LRP1B: variants seen among roughly 807,000 people sequenced by gnomAD.
LRP1B encodes low-density lipoprotein receptor-related protein 1B.
A neutral mutation model predicts 556.6 loss-of-function variants in LRP1B; 217 were observed. The ratio of observed to expected loss-of-function variants is 0.39; its 90% confidence interval spans 0.35 to 0.44. The LOEUF (loss-of-function observed/expected upper bound fraction) is 0.44, where lower values mean the gene tolerates loss of function less well. LRP1B is among the 20% of genes least tolerant of loss of function. The pLI, the probability that LRP1B is intolerant of heterozygous loss-of-function variation, is 1.00. For synonymous variants in LRP1B, 2,047 were observed against 1,865.8 expected, an observed-to-expected ratio of 1.10 and a Z score of -2.50; for missense variants, 5,053 against 5,620.8, an observed-to-expected ratio of 0.90 and a Z score of 3.23.
chr2:140,800,946 T>C (rs1416311121), intron 32 of LRP1B, among the ~76,000 whole-genome samples: 1 of 152,198 alleles, frequency 6.6e-6, no homozygotes, highest in African/African-American at 2.4e-5. Flanking sequence ...AATACTTAAA[T>C]TCTACAATAT....
At chr2:141,773,901 T>C (rs1388312384) in intron 2 of LRP1B, among the ~76,000 whole-genome samples, 2 of 152,212 alleles carry the variant, frequency 1.3e-5, no homozygotes, top group Non-Finnish European at 2.9e-5. Flanking sequence ...TTTGCTGCCT[T>C]AAATCAAAAG....
chr2:141,862,598 G>A (rs964222869), intron 1 of LRP1B, among the ~76,000 whole-genome samples: 2 of 152,008 alleles, frequency 1.3e-5, no homozygotes, highest in Non-Finnish European at 2.9e-5. Context: ...TAGTAGAGAC[G>A]GGGTTTCAAC....
chr2:141,095,788 G>C (rs907605497), intron 7 of LRP1B, among the ~76,000 whole-genome samples: 1 of 152,192 alleles, frequency 6.6e-6, no homozygotes, highest in South Asian at 2.1e-4. Flanking sequence ...GCTTGTTTCA[G>C]CAGGTGTTGC....
At chr2:141,467,626 G>T (rs1682282193) in intron 3 of LRP1B, among the ~76,000 whole-genome samples, 1 of 152,050 alleles carries the variant, frequency 6.6e-6, no homozygotes, top group Non-Finnish European at 1.5e-5. Flanking sequence ...AGTCTATTTT[G>T]CACTGAGAGA....
At chr2:140,375,283 G>A (rs578208767) in intron 68 of LRP1B, among the ~76,000 whole-genome samples, 1 of 148,392 alleles carries the variant, frequency 6.7e-6, no homozygotes, top group South Asian at 2.3e-4. Flanking sequence ...CTTTAAGTAA[G>A]TTTGTTGTTG....
At chr2:141,400,379 CTTGT>C (rs1559049943) in intron 3 of LRP1B, among the ~76,000 whole-genome samples, 1 of 152,130 alleles carries the variant, frequency 6.6e-6, no homozygotes, top group Non-Finnish European at 1.5e-5. Context: ...GCCTATACGA[CTTGT>C]TTAAGGTTAT....
chr2:141,405,937 T>C (rs991603696), intron 3 of LRP1B, among the ~76,000 whole-genome samples: 15 of 152,098 alleles, frequency 9.9e-5, no homozygotes, highest in Admixed American at 5.2e-4. Context: ...CTCTTTCTTA[T>C]ATAGTACAGT....
intron 11 of LRP1B, 82 bp from the exon 12 acceptor site, chr2:141,020,184 A>G: frequency 1.1e-6 from 1 of 889,490 alleles, no homozygotes; most frequent in Non-Finnish European, 1.6e-6. Flanking sequence ...GCTACCTAAT[A>G]AAAACTTTAG....
intron 3 of LRP1B, among the ~76,000 whole-genome samples, chr2:141,378,161 G>A (rs1199198075): frequency 6.6e-6 from 1 of 152,122 alleles, no homozygotes; most frequent in African/African-American, 2.4e-5. Flanking sequence ...GATTTCCAGA[G>A]TTACCATATT....
At chr2:141,991,856 A>G (rs1182643911) in intron 1 of LRP1B, among the ~76,000 whole-genome samples, 1 of 152,074 alleles carries the variant, frequency 6.6e-6, no homozygotes, top group Admixed American at 6.6e-5. Flanking sequence ...CCAAATTTTG[A>G]GTACTATTTC....
chr2:141,864,619 C>T (rs1212084208), intron 1 of LRP1B, among the ~76,000 whole-genome samples: 1 of 151,414 alleles, frequency 6.6e-6, no homozygotes, highest in Non-Finnish European at 1.5e-5. Flanking sequence ...CAGTGGCTCA[C>T]GCCTGTAATC....
chr2:141,411,952 C>A (rs1447890583), intron 3 of LRP1B, among the ~76,000 whole-genome samples: 1 of 151,860 alleles, frequency 6.6e-6, no homozygotes, highest in Non-Finnish European at 1.5e-5. Flanking sequence ...AGAACAAAGT[C>A]TTGACTATGT....
chr2:141,705,195 C>A (rs980555832), intron 2 of LRP1B, among the ~76,000 whole-genome samples: 4 of 151,996 alleles, frequency 2.6e-5, no homozygotes, highest in Admixed American at 1.3e-4. Flanking sequence ...TGTATTTATA[C>A]ACTTTAACTG....
At chr2:140,920,112 G>T (rs7562690) in intron 21 of LRP1B, among the ~76,000 whole-genome samples, 1 of 151,796 alleles carries the variant, frequency 6.6e-6, no homozygotes, top group African/African-American at 2.4e-5. Context: ...ATGAAGAAAG[G>T]CATTTCTGAG....
At chr2:141,108,334 CTTTTTTTTTTTTTTTTTTT>C (rs60275697) in intron 7 of LRP1B, among the ~76,000 whole-genome samples, 1 of 88,514 alleles carries the variant, frequency 1.1e-5, no homozygotes, top group African/African-American at 4.8e-5. Flanking sequence ...TAATCTGTTT[CTTTTTTTTTTTTTTTTTTT>C]TTTTTTTTTT....
chr2:141,078,607 C>G (rs1196833037), intron 7 of LRP1B, among the ~76,000 whole-genome samples: 2 of 103,474 alleles, frequency 1.9e-5, no homozygotes, highest in Non-Finnish European at 4.1e-5. Flanking sequence ...ACAGAAAAAG[C>G]CTGCCAAGAG....
chr2:141,004,478 C>G (rs1437414585), intron 15 of LRP1B, among the ~76,000 whole-genome samples: 2 of 152,046 alleles, frequency 1.3e-5, no homozygotes, highest in Admixed American at 1.3e-4. Flanking sequence ...CTTCCTGGGT[C>G]TGTCTGAAGC....
At chr2:141,909,810 A>G (rs1231235064) in intron 1 of LRP1B, among the ~76,000 whole-genome samples, 1 of 152,080 alleles carries the variant, frequency 6.6e-6, no homozygotes, top group Non-Finnish European at 1.5e-5. Context: ...TATTGTGTAC[A>G]TAGCAATGTC....
At position 142,031,330 on chromosome 2, in the gene LRP1B, A is replaced by ATTTTTTTTTTTTTTTTTTTTTT. The variant is rs560363480; in HGVS notation, c.82+99317_82+99318insAAAAAAAAAAAAAAAAAAAAAA. Among the ~76,000 whole-genome samples, 6 of 117,034 alleles carry ATTTTTTTTTTTTTTTTTTTTTT rather than the reference A, an allele frequency of 5.1e-5. 1 individual carries two copies. Among genetic ancestry groups the ATTTTTTTTTTTTTTTTTTTTTT allele is most frequent in the African/African-American group, 1.5e-4 (5 of 33,942 alleles). The allele number at this position is 117,034 out of a possible 152,430, so 76.8% of individuals were successfully genotyped here. ...ATTTAGAGAAAGGTTGATTATACTTATTTTTTTTTTTTTTTTTTATTATAC... is the reference window on the plus strand; with the variant it reads ...ATTTAGAGAAAGGTTGATTATACTTATTTTTTTTTTTTTTTTTTTTTTTTTTTTTTTTTTTTTTTTATTATAC... On this transcript the variant is annotated intron_variant, in intron 1 of 90. Coordinates refer to ENST00000389484, the MANE Select transcript of LRP1B (RefSeq NM_018557.3).
Sources: allele counts gnomAD v4.1 joint callset (sites outside exome capture counted in the v4.1 genomes callset), GRCh38; gene constraint gnomAD v4.1.1; transcripts MANE v1.5; gene names NCBI Gene and HGNC (gene_info 2026-07-23, HGNC 2026-07-21).